The following ANKRD31 variants were observed in gnomAD, a reference collection of about 807,000 sequenced individuals.
The protein encoded by ANKRD31 is ankyrin repeat domain 31.
A neutral mutation model predicts 186.0 loss-of-function variants in ANKRD31; 147 were observed. That is an observed-to-expected ratio of 0.79 (90% CI 0.69 to 0.91). ANKRD31 has a LOEUF of 0.91. Ranked by LOEUF, ANKRD31 falls within the 40% of genes least tolerant of loss-of-function variation. The probability of loss-of-function intolerance (pLI) is 0.00; values close to 1 mark genes in which losing one functional copy is unlikely to be tolerated. For synonymous variants in ANKRD31, 673 were observed against 736.4 expected (o/e 0.91, Z 1.39); for missense variants, 1,986 against 2,148.8 (o/e 0.92, Z 1.50).
intron 10 of ANKRD31, among the ~76,000 whole-genome samples, chr5:75,172,903 C>T (rs1423394138): frequency 1.3e-5 from 2 of 152,128 alleles, no homozygotes; most frequent in African/African-American, 4.8e-5. Flanking sequence ...CAACATCATC[C>T]TGATACCAAA....
At chr5:75,198,935 C>T (rs1755640376) in intron 6 of ANKRD31, among the ~76,000 whole-genome samples, 1 of 152,120 alleles carries the variant, frequency 6.6e-6, no homozygotes, top group Admixed American at 6.5e-5. Context: ...TCTTCTGGCT[C>T]CTGATTTGAG....
intron 10 of ANKRD31, among the ~76,000 whole-genome samples, chr5:75,180,747 G>C (rs1420541320): frequency 1.3e-5 from 2 of 152,106 alleles, no homozygotes; most frequent in Non-Finnish European, 2.9e-5. Flanking sequence ...ATGGATTGAA[G>C]ACTTACATGT....
chr5:75,131,897 AG>A (rs1749875668), intron 17 of ANKRD31, among the ~76,000 whole-genome samples: 1 of 152,196 alleles, frequency 6.6e-6, no homozygotes, highest in Non-Finnish European at 1.5e-5. Flanking sequence ...CCAGGCAAAC[AG>A]GGTCTGGAGT....
intron 12 of ANKRD31, among the ~76,000 whole-genome samples, chr5:75,150,330 T>C (rs1751757188): frequency 6.6e-6 from 1 of 151,992 alleles, no homozygotes; most frequent in Admixed American, 6.6e-5. Flanking sequence ...AAGTTCTTTA[T>C]TCATCATTCC....
intron 10 of ANKRD31, among the ~76,000 whole-genome samples, chr5:75,174,448 A>G (rs1032628090): frequency 1.3e-5 from 2 of 152,184 alleles, no homozygotes; most frequent in African/African-American, 4.8e-5. Context: ...TGAACAGGCA[A>G]CCTACAGAAT....
At chr5:75,138,701 T>C in intron 16 of ANKRD31, 145 bp downstream of exon 16, 1 of 821,820 alleles carries the variant, frequency 1.2e-6, no homozygotes. Flanking sequence ...AGTATTCAAC[T>C]AAACACTAAT....
At chr5:75,127,138 T>TTG (rs1004846457) in intron 17 of ANKRD31, among the ~76,000 whole-genome samples, 8 of 151,148 alleles carry the variant, frequency 5.3e-5, no homozygotes, top group African/African-American at 2.0e-4. Context: ...GAAGCAGAGA[T>TTG]TGTGCCACTG....
At chr5:75,197,394 T>C (rs1580537778) in intron 6 of ANKRD31, among the ~76,000 whole-genome samples, 1 of 152,160 alleles carries the variant, frequency 6.6e-6, no homozygotes, top group African/African-American at 2.4e-5. Context: ...AAAAATCAAA[T>C]CCACCATACC....
intron 13 of ANKRD31, among the ~76,000 whole-genome samples, chr5:75,148,016 C>T (rs964775516): frequency 2.6e-5 from 4 of 151,820 alleles, no homozygotes; most frequent in African/African-American, 9.7e-5. Flanking sequence ...TTTAGAAACA[C>T]TCTCCTCTCC....
chr5:75,161,015 A>G (rs1752538779), intron 11 of ANKRD31, among the ~76,000 whole-genome samples: 1 of 152,192 alleles, frequency 6.6e-6, no homozygotes, highest in Non-Finnish European at 1.5e-5. Context: ...CTTTATCAAC[A>G]GTGTAAAAAC....
chr5:75,121,464 C>G (rs908201264), intron 17 of ANKRD31, among the ~76,000 whole-genome samples: 1 of 152,126 alleles, frequency 6.6e-6, no homozygotes, highest in Non-Finnish European at 1.5e-5. Context: ...ATGGACCCAA[C>G]AGACACTTAC....
intron 10 of ANKRD31, among the ~76,000 whole-genome samples, chr5:75,174,340 A>G (rs1753597182): frequency 6.6e-6 from 1 of 152,214 alleles, no homozygotes; most frequent in Admixed American, 6.5e-5. Flanking sequence ...TGACGACAAC[A>G]CCAAAAGCAA....
In ANKRD31 at chr5:75,195,962, G is replaced by A. The variant is rs139020556; in HGVS notation, c.686C>T (p.Thr229Ile). The A allele has an allele frequency of 2.3e-4, 360 of 1,532,190 alleles. No homozygotes were observed. The African/African-American group carries it at 4.6e-3, about 20-fold the overall frequency. 94.9% of individuals were successfully genotyped at this position (1,532,190 alleles called of 1,614,324 possible). Reference protein sequence around the residue: ...TFVSALESLLTSPESTQEERL... With the variant: ...TFVSALESLLISPESTQEERL... ...TTCCTCCTGGGTGCTTTCTGGTGAT[G>A]TAAGTAAACTTTCTAAGGCAGACAC... The change falls in exon 7 of 26, where the codon ACA (threonine) becomes ATA (isoleucine). Residue 229 changes from threonine (T) to isoleucine (I), a missense_variant. Coordinates refer to ENST00000506364, the MANE Select transcript of ANKRD31 (RefSeq NM_001372053.1).
intron 23 of ANKRD31, among the ~76,000 whole-genome samples, chr5:75,088,721 C>T (rs1745696636): frequency 6.6e-6 from 1 of 152,184 alleles, no homozygotes; most frequent in South Asian, 2.1e-4. Flanking sequence ...TCTGGCTGGC[C>T]TTGAGGCTAA....
At chr5:75,208,324 G>A (rs1256472700) in intron 4 of ANKRD31, among the ~76,000 whole-genome samples, 1 of 152,034 alleles carries the variant, frequency 6.6e-6, no homozygotes, top group Middle Eastern at 3.4e-3. Flanking sequence ...CCCAAAATAC[G>A]ACGCTATGGC....
At chr5:75,209,158 T>C (rs1561538573) in intron 4 of ANKRD31, among the ~76,000 whole-genome samples, 1 of 152,184 alleles carries the variant, frequency 6.6e-6, no homozygotes, top group Admixed American at 6.5e-5. Context: ...AAACTCATAG[T>C]CTATCTTGCA....
intron 10 of ANKRD31, 185 bp from the exon 11 acceptor site, chr5:75,169,306 A>C (rs1753150968): frequency 3.0e-6 from 2 of 672,448 alleles, no homozygotes; most frequent in African/African-American, 3.6e-5. Flanking sequence ...CTGAAGGACA[A>C]ATCAAACTCC....
chr5:75,093,947 A>G (rs1017190009), intron 22 of ANKRD31, among the ~76,000 whole-genome samples: 2 of 152,208 alleles, frequency 1.3e-5, no homozygotes, highest in African/African-American at 2.4e-5. Flanking sequence ...GCTAATATGA[A>G]TCCACATGAA....
At chr5:75,135,471 G>A (rs200237517) in intron 17 of ANKRD31, among the ~76,000 whole-genome samples, 4 of 152,164 alleles carry the variant, frequency 2.6e-5, no homozygotes, top group Admixed American at 6.6e-5. Context: ...GATGTGAAGG[G>A]CCTCTTCAAG....
Sources: gnomAD v4.1 joint callset for allele counts (sites outside exome capture counted in the v4.1 genomes callset) on GRCh38, gnomAD v4.1.1 for gene constraint, MANE v1.5 for transcripts, NCBI Gene and HGNC (gene_info 2026-07-23, HGNC 2026-07-21) for gene names.